The following CIMIP6 variants were observed in gnomAD, a reference collection of about 807,000 sequenced individuals.
The protein encoded by CIMIP6 is ciliary microtubule inner protein 6.
chr2:54,334,817 A>G, the CIMIP6 span: 1 of 1,531,936 alleles, frequency 6.5e-7, no homozygotes. Context: ...TGTTTTTCAG[A>G]CAGCATAAAA....
At chr2:54,380,143 CAAA>C in the CIMIP6 span, among the ~76,000 whole-genome samples, 2 of 151,602 alleles carry the variant, frequency 1.3e-5, no homozygotes, top group African/African-American at 4.9e-5. Flanking sequence ...GACCCCATCT[CAAA>C]AAAATAAAAT....
the CIMIP6 span, among the ~76,000 whole-genome samples, chr2:54,350,628 C>G: frequency 1.3e-5 from 2 of 152,176 alleles, no homozygotes; most frequent in East Asian, 3.9e-4. Context: ...ATCACAAGAC[C>G]AGCCCACATT....
the CIMIP6 span, among the ~76,000 whole-genome samples, chr2:54,331,276 T>C: frequency 6.6e-6 from 1 of 152,170 alleles, no homozygotes; most frequent in Non-Finnish European, 1.5e-5. Flanking sequence ...TTCTGTAGTC[T>C]TTACCTTTAA....
the CIMIP6 span, among the ~76,000 whole-genome samples, chr2:54,349,780 T>C: frequency 1.3e-5 from 2 of 152,176 alleles, no homozygotes; most frequent in South Asian, 4.1e-4. Flanking sequence ...AATGCCTGAA[T>C]AAGGAATTTC....
At chr2:54,358,492 T>G in the CIMIP6 span, among the ~76,000 whole-genome samples, 5 of 152,066 alleles carry the variant, frequency 3.3e-5, no homozygotes, top group African/African-American at 1.2e-4. Flanking sequence ...GCCTTGAACT[T>G]TTGGGCTCAA....
the CIMIP6 span, among the ~76,000 whole-genome samples, chr2:54,345,322 T>C: frequency 3.3e-5 from 5 of 152,202 alleles, no homozygotes; most frequent in African/African-American, 9.6e-5. Context: ...GCTAGGGTAA[T>C]TGGGTAGAGA....
At chr2:54,379,231 T>C in the CIMIP6 span, among the ~76,000 whole-genome samples, 1 of 152,196 alleles carries the variant, frequency 6.6e-6, no homozygotes, top group African/African-American at 2.4e-5. Flanking sequence ...GACTGACATC[T>C]CTGGAAAGTG....
At chr2:54,339,819 G>A in the CIMIP6 span, 6 of 120,058 alleles carry the variant, frequency 5.0e-5, 2 homozygotes, top group South Asian at 6.7e-4. Flanking sequence ...CTTGGCTTAC[G>A]ACCTCTTGCA....
chr2:54,360,766 T>A, the CIMIP6 span: 21 of 498,708 alleles, frequency 4.2e-5, no homozygotes, highest in Non-Finnish European at 6.1e-5. Context: ...GAGACATTAT[T>A]TCTATGTCAC....
At chr2:54,373,084 C>G in the CIMIP6 span, among the ~76,000 whole-genome samples, 1 of 152,068 alleles carries the variant, frequency 6.6e-6, no homozygotes, top group Non-Finnish European at 1.5e-5. Flanking sequence ...CACACCCTGT[C>G]CCTTCTCCGT....
the CIMIP6 span, among the ~76,000 whole-genome samples, chr2:54,354,189 T>C: frequency 6.6e-6 from 1 of 152,194 alleles, no homozygotes; most frequent in Non-Finnish European, 1.5e-5. Context: ...GCAAGCTCTC[T>C]GTTACGTTAC....
chr2:54,379,891 C>T, the CIMIP6 span, among the ~76,000 whole-genome samples: 1 of 151,586 alleles, frequency 6.6e-6, no homozygotes, highest in Non-Finnish European at 1.5e-5. Flanking sequence ...GCAAGAGACT[C>T]GCTTGAACCC....
the CIMIP6 span, among the ~76,000 whole-genome samples, chr2:54,343,559 A>G: frequency 6.6e-6 from 1 of 152,214 alleles, no homozygotes; most frequent in East Asian, 1.9e-4. Context: ...AAAGAAATAC[A>G]TTTTTTGTGA....
the CIMIP6 span, chr2:54,361,267 G>T: frequency 6.6e-6 from 1 of 152,132 alleles, no homozygotes; most frequent in Non-Finnish European, 1.5e-5. Flanking sequence ...GAATATTGAA[G>T]TATTTTCTAA....
the CIMIP6 span, among the ~76,000 whole-genome samples, chr2:54,368,991 G>C: frequency 6.6e-6 from 1 of 152,024 alleles, no homozygotes; most frequent in Admixed American, 6.5e-5. Flanking sequence ...TGAGTTCTGG[G>C]GTCCTTCTAG....
the CIMIP6 span, among the ~76,000 whole-genome samples, chr2:54,334,095 C>A: frequency 6.6e-6 from 1 of 152,060 alleles, no homozygotes; most frequent in Non-Finnish European, 1.5e-5. Context: ...TATTCAAATT[C>A]ATATATTTCA....
the CIMIP6 span, among the ~76,000 whole-genome samples, chr2:54,373,791 G>C: frequency 6.6e-6 from 1 of 152,166 alleles, no homozygotes; most frequent in African/African-American, 2.4e-5. Context: ...CAAAAAGTCA[G>C]GTGAGTTAGG....
At chr2:54,341,907 C>T in the CIMIP6 span, among the ~76,000 whole-genome samples, 1 of 152,148 alleles carries the variant, frequency 6.6e-6, no homozygotes, top group Admixed American at 6.5e-5. Context: ...CTATTTTCAG[C>T]CAGATAGTGA....
At chr2:54,369,172 C>A in the CIMIP6 span, among the ~76,000 whole-genome samples, 1 of 152,062 alleles carries the variant, frequency 6.6e-6, no homozygotes, top group African/African-American at 2.4e-5. Context: ...CAAAACACTG[C>A]GAAAGGCAAA....
Sources: allele counts gnomAD v4.1 joint callset (sites outside exome capture counted in the v4.1 genomes callset), GRCh38; gene constraint gnomAD v4.1.1; transcripts MANE v1.5; gene names NCBI Gene and HGNC (gene_info 2026-07-23, HGNC 2026-07-21).